Variants in TAPBP observed in about 807,000 individuals in gnomAD.
TAPBP encodes TAP binding protein, also known as tapasin.
A neutral mutation model predicts 45.7 loss-of-function variants in TAPBP; 38 were observed. The ratio of observed to expected loss-of-function variants is 0.83; its 90% CI spans 0.64 to 1.09. TAPBP has a LOEUF of 1.09. Among genes scored for constraint, TAPBP ranks in the 50% least tolerant of loss-of-function variants. The pLI, the probability that TAPBP is intolerant of heterozygous loss-of-function variation, is 0.00. For missense variants in TAPBP, 513 were observed against 587.3 expected (o/e 0.87, Z 1.31); for synonymous variants, 226 against 254.8 (o/e 0.89, Z 1.08).
chr6:33,306,894 C>T lies in TAPBP; in HGVS notation c.470-1507G>A, dbSNP rs539453549. 3.3e-5 allele frequency among the ~76,000 whole-genome samples: 5 copies of T among 150,786 alleles called. No homozygotes were observed. In the South Asian group the frequency reaches 8.3e-4, roughly 25 times the overall value. On this transcript the variant is annotated intron_variant, in intron 3 of 7. Transcript: ENST00000434618. ...TCGGGAGACCGAGGCAGTAGAATTG[C>T]TTGAACCCGGGAAGCAGAGGTTGCG... is the stretch of plus-strand genomic sequence containing the variant.
At chr6:33,311,127 G>A (rs1348172993) in intron 3 of TAPBP, among the ~76,000 whole-genome samples, 6 of 151,870 alleles carry the variant, frequency 4.0e-5, no homozygotes, top group Middle Eastern at 6.3e-3. Flanking sequence ...GACCATCCTG[G>A]CCAACATGGT....
chr6:33,304,115 G>T lies in TAPBP; in HGVS notation c.1300+13C>A, dbSNP rs1356736108. On this transcript the variant is annotated intron_variant, in intron 6 of 7. Coordinates refer to ENST00000434618, the MANE Select transcript of TAPBP (RefSeq NM_003190.5). ...CAACCTCAGGTCATGGTCAGGGTAGGGCTGACACTTACCAGCCCAGCCCAG... is the reference window on the plus strand; with the variant it reads ...CAACCTCAGGTCATGGTCAGGGTAGTGCTGACACTTACCAGCCCAGCCCAG... 1 of 1,612,920 alleles carries T rather than the reference G, an allele frequency of 6.2e-7. No homozygotes were observed. The highest frequency in any genetic ancestry group is 8.5e-7 in the Non-Finnish European group (1 of 1,179,590).
intron 7 of TAPBP, 109 bp downstream of exon 7, chr6:33,303,846 C>G: frequency 1.2e-6 from 2 of 1,607,370 alleles, no homozygotes; most frequent in Non-Finnish European, 1.7e-6. Context: ...AGTGTGAATT[C>G]CAAGCCTAGG....
In TAPBP at chr6:33,301,481, A is replaced by G. The variant is rs1768576506; in HGVS notation, c.*279T>C. The stretch of plus-strand genomic sequence containing the variant: ...CCCAGCTACTCCGGAGGCTGAAGCC[A>G]CAGAATTGCTTGAACCCAGGAGGCG... On this transcript the variant is annotated 3_prime_UTR_variant, in exon 8 of 8. Transcript: ENST00000434618. 1 of 451,830 alleles carries G rather than the reference A, an allele frequency of 2.2e-6. No homozygotes were observed. Among genetic ancestry groups the G allele is most frequent in the Non-Finnish European group, 3.9e-6 (1 of 253,840 alleles). 28.0% of individuals were successfully genotyped at this position (451,830 alleles called of 1,614,324 possible).
At chr6:33,307,310 T>A (rs1302029926) in intron 3 of TAPBP, among the ~76,000 whole-genome samples, 1 of 143,972 alleles carries the variant, frequency 6.9e-6, no homozygotes, top group African/African-American at 2.6e-5. Context: ...ATAAATAAAA[T>A]AAAAATCCCA....
intron 7 of TAPBP, chr6:33,303,460 T>G: frequency 2.7e-6 from 1 of 372,788 alleles, no homozygotes; most frequent in Non-Finnish European, 4.9e-6. Context: ...GTGTATAAGG[T>G]GTATAGGAAA....
Position 33,313,774 on chromosome 6 carries a change from C to G in TAPBP, c.128G>C (p.Gly43Ala). 2 of 1,613,768 alleles carry G rather than the reference C, an allele frequency of 1.2e-6. No homozygotes were observed. Among genetic ancestry groups the G allele is most frequent in the Non-Finnish European group, 1.7e-6 (2 of 1,180,018 alleles). The change falls in exon 2 of 8, where the codon GGT becomes GCT. Residue 43 changes from glycine to alanine, a missense_variant. Gly to Ala is a moderately conservative substitution (Grantham distance 60). Coordinates refer to ENST00000434618, the MANE Select transcript of TAPBP (RefSeq NM_003190.5). This position sits in a 1 kb window ranked among gnomAD's most constrained non-coding sequence, Gnocchi z 7.2. ...CGGTCCCTGGCGCAACAGCAGTGCA[C>G]CGGGTCTCTTGGCCAGGCCCTTTCC... ...ASGKGLAKRP[G>A]ALLLRQGPGE... is the part of the protein sequence containing the mutation.
chr6:33,304,889 T>G (rs1768858989), intron 4 of TAPBP, 100 bp downstream of exon 4: 22 of 1,521,726 alleles, frequency 1.4e-5, no homozygotes, highest in Non-Finnish European at 1.8e-5. Context: ...CTCTACTTAC[T>G]TGCCCAGGCA....
chr6:33,310,370 G>T (rs1036280038), intron 3 of TAPBP, among the ~76,000 whole-genome samples: 2 of 151,526 alleles, frequency 1.3e-5, no homozygotes, highest in African/African-American at 4.8e-5. Context: ...GCTGGGCCTG[G>T]TGGTGGGCGC....
chr6:33,306,559 G>C (rs548070618), intron 3 of TAPBP, among the ~76,000 whole-genome samples: 1 of 152,144 alleles, frequency 6.6e-6, no homozygotes, highest in Non-Finnish European at 1.5e-5. Flanking sequence ...ATCAATGTAC[G>C]TTTAGACAAT....
In TAPBP at chr6:33,313,497, T is replaced by C. The variant is rs1393541701; in HGVS notation, c.209-20A>G. ...CGGGGTCTGAGTGTAGAGAAGGAAG[T>C]TGCAGCTGTAGAGTCACCGCCGGGA... On this transcript the variant is annotated intron_variant, in intron 2 of 7. Transcript: ENST00000434618. The surrounding 1 kb of genome is among the most constrained non-coding windows in gnomAD (Gnocchi z 7.2). 20 of 1,539,868 alleles carry C rather than the reference T, an allele frequency of 1.3e-5. No individual in the cohort carries two copies. Among genetic ancestry groups the C allele is most frequent in the Admixed American group, 6.0e-5 (3 of 49,816 alleles).
intron 3 of TAPBP, among the ~76,000 whole-genome samples, chr6:33,312,802 T>C (rs796748466): frequency 1.2e-4 from 18 of 152,136 alleles, no homozygotes; most frequent in African/African-American, 4.3e-4. Flanking sequence ...CCCGCAAAGC[T>C]GAGGGTGCAG....
intron 3 of TAPBP, among the ~76,000 whole-genome samples, chr6:33,312,787 A>C (rs1769445782): frequency 6.6e-6 from 1 of 152,148 alleles, no homozygotes; most frequent in African/African-American, 2.4e-5. Context: ...GTTTTGAAAG[A>C]GTGACCCGCA....
At chr6:33,303,649 C>G in intron 7 of TAPBP, 1 of 1,229,456 alleles carries the variant, frequency 8.1e-7, no homozygotes, top group Non-Finnish European at 1.1e-6. Flanking sequence ...TTACCTGTTT[C>G]TGCTTATTTT....
chr6:33,313,722 G>T lies in TAPBP; in HGVS notation c.180C>A (p.Leu60=). The change falls in exon 2 of 8, where the codon CTC becomes CTA. Residue 60 remains leucine (L), a synonymous_variant. Coordinates refer to ENST00000434618, the MANE Select transcript of TAPBP (RefSeq NM_003190.5). The surrounding 1 kb of genome is among the most constrained non-coding windows in gnomAD (Gnocchi z 7.2). ...GPGEPPPRPD[L]DPELYLSVHD... ...GTACACTGAGATAGAGCTCAGGGTC[G>T]AGGTCCGGCCGGGGCGGCGGTTCCC... 6.2e-7 allele frequency: 1 copy of T among 1,613,384 alleles called. No homozygotes were observed. The highest frequency in any genetic ancestry group is 8.5e-7 in the Non-Finnish European group (1 of 1,179,932).
chr6:33,305,001 G>A lies in TAPBP; in HGVS notation c.856C>T (p.Leu286Phe). The part of the protein sequence containing the change: ...PYLQGQVTLE[L>F]AVYKPPKVSL... Reference sequence around the variant, plus strand: ...TCCCCCAACTCACTGTACACAGCAAGCTCCAGGGTGACCTGTCCTTGCAGG... The same window carrying A: ...TCCCCCAACTCACTGTACACAGCAAACTCCAGGGTGACCTGTCCTTGCAGG... Residue 286 changes from leucine (L) to phenylalanine (F), a missense_variant, in exon 4 of 8, where the codon CTT (leucine) becomes TTT (phenylalanine). Coordinates refer to ENST00000434618, the MANE Select transcript of TAPBP (RefSeq NM_003190.5). This position sits in a 1 kb window ranked among gnomAD's most constrained non-coding sequence, Gnocchi z 4.4. 6.2e-7 allele frequency: 1 copy of A among 1,614,014 alleles called. No individual in the cohort carries two copies. Among genetic ancestry groups the A allele is most frequent in the Non-Finnish European group, 8.5e-7 (1 of 1,179,938 alleles).
Position 33,313,672 on chromosome 6 carries a change from C to A in TAPBP, c.208+22G>T. On this transcript the variant is annotated intron_variant, in intron 2 of 7. Coordinates refer to ENST00000434618, the MANE Select transcript of TAPBP (RefSeq NM_003190.5). The surrounding 1 kb of genome is among the most constrained non-coding windows in gnomAD (Gnocchi z 7.2). ...GGTGGAGGCGACAGAGGTAGGGGGG[C>A]GGCGAGTCCCTAGAGACTCACCGTG... is the stretch of plus-strand genomic sequence containing the variant. The A allele has an allele frequency of 1.3e-6, 2 of 1,596,566 alleles. No individual in the cohort carries two copies. Among genetic ancestry groups the A allele is most frequent in the South Asian group, 2.2e-5 (2 of 90,194 alleles).
chr6:33,304,840 C>T (rs1271006788), intron 4 of TAPBP, 149 bp downstream of exon 4: 2 of 1,357,588 alleles, frequency 1.5e-6, no homozygotes, highest in Non-Finnish European at 2.0e-6. Flanking sequence ...AACTTCTAGC[C>T]TCCCATTACC....
chr6:33,305,081 G>A lies in TAPBP; in HGVS notation c.776C>T (p.Pro259Leu). Residue 259 changes from proline to leucine, a missense_variant, in exon 4 of 8, where the codon CCT (proline) becomes CTT (leucine). Pro to Leu is a moderately conservative substitution (Grantham distance 98). Coordinates refer to ENST00000434618, the MANE Select transcript of TAPBP (RefSeq NM_003190.5). This position sits in a 1 kb window ranked among gnomAD's most constrained non-coding sequence, Gnocchi z 4.4. Reference protein sequence around the residue: ...PWTGNGTFWLPTVQPFQEGTY... With the variant: ...PWTGNGTFWLLTVQPFQEGTY... The stretch of plus-strand genomic sequence containing the variant: ...GCCCTCCTGAAAGGGTTGAACTGTA[G>A]GCAGCCAGAAGGTCCCATTTCCGGT... The A allele has an allele frequency of 6.2e-7, 1 of 1,614,174 alleles. No individual in the cohort carries two copies. The highest frequency in any genetic ancestry group is 8.5e-7 in the Non-Finnish European group (1 of 1,180,036).
Sources: allele counts gnomAD v4.1 joint callset (sites outside exome capture counted in the v4.1 genomes callset), GRCh38; gene constraint gnomAD v4.1.1; non-coding constraint Gnocchi (gnomAD v3.1); transcripts MANE v1.5; gene names NCBI Gene and HGNC (gene_info 2026-07-23, HGNC 2026-07-21).